Variants in RASGEF1C observed in about 807,000 individuals in gnomAD.
RASGEF1C encodes the protein ras-GEF domain-containing family member 1C.
In RASGEF1C, 27 loss-of-function variants were observed where a neutral mutation model predicts 58.1. That is an observed-to-expected ratio of 0.46 (90% confidence interval 0.34 to 0.64). The LOEUF (loss-of-function observed/expected upper bound fraction) is 0.64. Ranked by LOEUF, RASGEF1C falls within the 30% of genes least tolerant of loss-of-function variation. RASGEF1C has a pLI of 0.01. For missense variants in RASGEF1C, 502 were observed against 605.1 expected, an observed-to-expected ratio of 0.83 and a Z score of 1.79; for synonymous variants, 243 against 246.3, an observed-to-expected ratio of 0.99 and a Z score of 0.13.
chr5:180,130,164 C>T (rs1294333109), intron 4 of RASGEF1C, among the ~76,000 whole-genome samples: 3 of 152,188 alleles, frequency 2.0e-5, no homozygotes, highest in East Asian at 3.8e-4. Context: ...CCCATTGTCT[C>T]GACGGTGGTC....
At chr5:180,203,864 A>AGG (rs1756442530) in intron 1 of RASGEF1C, among the ~76,000 whole-genome samples, 1 of 151,992 alleles carries the variant, frequency 6.6e-6, no homozygotes. Context: ...ATGGTGGTGC[A>AGG]CGCCTGTAAT....
intron 12 of RASGEF1C, among the ~76,000 whole-genome samples, chr5:180,105,518 C>T (rs1403026732): frequency 1.3e-5 from 2 of 150,632 alleles, no homozygotes; most frequent in Non-Finnish European, 3.0e-5. Context: ...GCCGCGACTG[C>T]GCCACTGCAC....
chr5:180,115,465 C>CA, intron 10 of RASGEF1C: 1 of 280,678 alleles, frequency 3.6e-6, no homozygotes, highest in South Asian at 3.1e-5. Context: ...CAGGCCCCCC[C>CA]AGACTCTTCA....
rs148252591 is a variant in RASGEF1C at position 180,119,392 on chromosome 5, G to T, written c.861C>A (p.Arg287=). The change falls in exon 8 of 14, where the codon CGC becomes CGA. Residue 287 remains arginine (R), a synonymous_variant. Transcript: ENST00000361132. ...TGAAGTTGCCGATGTTGAAGCACTC[G>T]CGGGCCACGTCGATGAAGAACTCAA... ...QVIEFFIDVA[R]ECFNIGNFNS... 6.2e-7 allele frequency: 1 copy of T among 1,614,062 alleles called. No homozygotes were observed. Among genetic ancestry groups the T allele is most frequent in the African/African-American group, 1.3e-5 (1 of 74,938 alleles).
chr5:180,172,417 A>G (rs552687594), intron 1 of RASGEF1C, among the ~76,000 whole-genome samples: 1 of 152,214 alleles, frequency 6.6e-6, no homozygotes, highest in East Asian at 1.9e-4. Context: ...CCTGCATGTG[A>G]CCAGGGCCCA....
intron 5 of RASGEF1C, 54 bp from the exon 6 acceptor site, chr5:180,127,737 T>G: frequency 6.5e-7 from 1 of 1,541,358 alleles, no homozygotes; most frequent in Non-Finnish European, 8.8e-7. Flanking sequence ...GGAGGGGGTG[T>G]CCACTGGGGG....
intron 12 of RASGEF1C, among the ~76,000 whole-genome samples, chr5:180,104,146 T>C (rs1017095986): frequency 5.9e-5 from 9 of 152,188 alleles, no homozygotes; most frequent in South Asian, 2.1e-4. Context: ...TTTGGTACTG[T>C]CTTTGGTTTT....
In RASGEF1C at chr5:180,198,219, A is replaced by G. The variant is rs1000137194; in HGVS notation, c.-7+10809T>C. ...CCTTCTGCAGGCCCCAGCCCCAGAC[A>G]GCGCCACCCAGCAGAAGAGGACCAG... On this transcript the variant is annotated intron_variant, in intron 1 of 13. Transcript: ENST00000361132. This position sits in a 1 kb window ranked among gnomAD's most constrained non-coding sequence, Gnocchi z 4.5. 9.9e-5 allele frequency among the ~76,000 whole-genome samples: 15 copies of G among 152,210 alleles called. No individual in the cohort carries two copies. Among genetic ancestry groups the G allele is most frequent in the African/African-American group, 3.4e-4 (14 of 41,464 alleles).
Position 180,102,143 on chromosome 5 carries a change from C to T in RASGEF1C, c.1304G>A (p.Gly435Asp). The T allele has an allele frequency of 1.3e-6, 2 of 1,552,206 alleles. No homozygotes were observed. Among genetic ancestry groups the T allele is most frequent in the Non-Finnish European group, 1.8e-6 (2 of 1,124,098 alleles). Residue 435 changes from glycine to aspartate, a missense_variant and splice_region_variant, in exon 13 of 14, where the codon GGT becomes GAT. Coordinates refer to ENST00000361132, the MANE Select transcript of RASGEF1C (RefSeq NM_175062.4). The part of the protein sequence containing the change: ...LYTAPIFSED[G>D]LYLASYESES... ...ACTTTCGTAAGAAGCCAAATAAAGA[C>T]CTAGACAGAAAATGAAGTGAAATTT...
Position 180,136,453 on chromosome 5 carries a change from G to A in RASGEF1C, c.363C>T (p.Phe121=). ...TCGACTCTTCCTGGAAGTCCCTTGGGAAGGTCTCGGTCCACTCGGCCAACA... is the reference window on the plus strand; with the variant it reads ...TCGACTCTTCCTGGAAGTCCCTTGGAAAGGTCTCGGTCCACTCGGCCAACA... ...LQLLAEWTET[F]PRDFQEESTI... Residue 121 remains phenylalanine (F), a synonymous_variant, in exon 4 of 14, where the codon TTC becomes TTT. Transcript: ENST00000361132. The A allele has an allele frequency of 6.4e-7, 1 of 1,561,372 alleles. No homozygotes were observed. Among genetic ancestry groups the A allele is most frequent in the Non-Finnish European group, 8.7e-7 (1 of 1,152,478 alleles).
intron 1 of RASGEF1C, among the ~76,000 whole-genome samples, chr5:180,173,723 G>T (rs532232673): frequency 6.6e-6 from 1 of 152,054 alleles, no homozygotes; most frequent in South Asian, 2.1e-4. Flanking sequence ...GACCAGCCTG[G>T]CCAACATGGT....
At chr5:180,174,085 C>T (rs952290823) in intron 1 of RASGEF1C, among the ~76,000 whole-genome samples, 10 of 151,878 alleles carry the variant, frequency 6.6e-5, no homozygotes, top group East Asian at 1.9e-4. Flanking sequence ...AGACGGTGGG[C>T]ACCAGAGAAA....
At chr5:180,193,913 G>A (rs1345164171) in intron 1 of RASGEF1C, among the ~76,000 whole-genome samples, 1 of 152,186 alleles carries the variant, frequency 6.6e-6, no homozygotes, top group Non-Finnish European at 1.5e-5. Flanking sequence ...TAGGGTTGGG[G>A]TGGCGATCAA....
At chr5:180,171,124 C>G (rs764805692) in intron 1 of RASGEF1C, among the ~76,000 whole-genome samples, 2 of 152,108 alleles carry the variant, frequency 1.3e-5, no homozygotes, top group African/African-American at 4.8e-5. Context: ...CTTCCCCCAG[C>G]CCAGGAGTGG....
chr5:180,140,635 C>T (rs1766560562), intron 1 of RASGEF1C, among the ~76,000 whole-genome samples: 1 of 152,196 alleles, frequency 6.6e-6, no homozygotes, highest in Non-Finnish European at 1.5e-5. Context: ...GCAGACAGGC[C>T]AGGTGCCCAC....
chr5:180,125,832 TATA>T (rs973535718), intron 6 of RASGEF1C, among the ~76,000 whole-genome samples: 51 of 152,034 alleles, frequency 3.4e-4, no homozygotes, highest in African/African-American at 1.2e-3. Flanking sequence ...TATTGATAAA[TATA>T]ATCCATATAA....
intron 6 of RASGEF1C, among the ~76,000 whole-genome samples, chr5:180,126,525 T>C (rs1397108878): frequency 1.3e-5 from 2 of 152,244 alleles, no homozygotes; most frequent in Non-Finnish European, 2.9e-5. Flanking sequence ...TACATGGTTT[T>C]GTGTTACCCT....
intron 4 of RASGEF1C, among the ~76,000 whole-genome samples, chr5:180,136,035 G>T (rs1395595922): frequency 6.6e-6 from 1 of 152,234 alleles, no homozygotes; most frequent in African/African-American, 2.4e-5. Context: ...GCAGGAGGGG[G>T]TAGGTCTCCG....
intron 1 of RASGEF1C, among the ~76,000 whole-genome samples, chr5:180,176,715 C>G (rs894728392): frequency 1.3e-5 from 2 of 152,116 alleles, no homozygotes; most frequent in Non-Finnish European, 2.9e-5. Context: ...TGCCACCATG[C>G]CCGGCTAATT....
Sources: gnomAD v4.1 joint callset for allele counts (sites outside exome capture counted in the v4.1 genomes callset) on GRCh38, gnomAD v4.1.1 for gene constraint, Gnocchi (gnomAD v3.1) non-coding constraint, MANE v1.5 for transcripts, NCBI Gene and HGNC (gene_info 2026-07-23, HGNC 2026-07-21) for gene names.